Variants in ARHGAP10 observed in about 807,000 individuals in gnomAD.
ARHGAP10 encodes Rho GTPase activating protein 10, also known as rho GTPase-activating protein 10.
In ARHGAP10, 87 loss-of-function variants were observed where a neutral mutation model predicts 108.6. The ratio of observed to expected loss-of-function variants is 0.80; its 90% CI spans 0.67 to 0.96. The LOEUF (loss-of-function observed/expected upper bound fraction) is 0.96. Among genes scored for constraint, ARHGAP10 ranks in the 40% least tolerant of loss-of-function variants. The probability of loss-of-function intolerance (pLI) is 0.00; values close to 1 mark genes in which losing one functional copy is unlikely to be tolerated. For missense variants in ARHGAP10, 939 were observed against 954.5 expected, an observed-to-expected ratio of 0.98 and a Z score of 0.21; for synonymous variants, 347 against 341.1, an observed-to-expected ratio of 1.02 and a Z score of -0.19.
At chr4:147,947,864 C>A (rs1044034415) in intron 15 of ARHGAP10, among the ~76,000 whole-genome samples, 35 of 151,768 alleles carry the variant, frequency 2.3e-4, no homozygotes, top group African/African-American at 8.2e-4. Flanking sequence ...TGTAATGAAC[C>A]CTCATGGCTC....
At chr4:147,854,524 T>C (rs747855473) in intron 4 of ARHGAP10, among the ~76,000 whole-genome samples, 16 of 152,226 alleles carry the variant, frequency 1.1e-4, no homozygotes, top group Non-Finnish European at 1.8e-4. Context: ...AGTTTTCATA[T>C]TGTATTTAAC....
intron 13 of ARHGAP10, among the ~76,000 whole-genome samples, chr4:147,919,027 T>C (rs1313791216): frequency 4.6e-5 from 7 of 152,250 alleles, no homozygotes; most frequent in Admixed American, 4.6e-4. Flanking sequence ...CTCCAATTGC[T>C]TCCGAAGGTG....
At chr4:147,827,762 T>C (rs1732777864) in intron 3 of ARHGAP10, among the ~76,000 whole-genome samples, 1 of 152,014 alleles carries the variant, frequency 6.6e-6, no homozygotes, top group Non-Finnish European at 1.5e-5. Flanking sequence ...GAGGTAGAAA[T>C]AGTCTAAAAT....
rs2126722824 is a variant in ARHGAP10 at position 147,775,080 on chromosome 4, A to G, written c.154+42625A>G. Among the ~76,000 whole-genome samples the G allele has an allele frequency of 2.0e-5, 3 of 151,954 alleles. No individual in the cohort carries two copies. The South Asian group carries it at 6.2e-4, about 32-fold the overall frequency. The stretch of plus-strand genomic sequence containing the variant: ...TAGGCTCTCGCCACCACGCCTGGCT[A>G]ATTTTTGTATTTTTAGTAGAGACGG... On this transcript the variant is annotated intron_variant, in intron 1 of 22. Coordinates refer to ENST00000336498, the MANE Select transcript of ARHGAP10 (RefSeq NM_024605.4).
Position 147,875,132 on chromosome 4 carries a change from C to T in ARHGAP10, c.814C>T (p.Leu272=), listed in dbSNP as rs2126861941. The part of the protein sequence containing the change: ...RASQFTAEGY[L]YVQEKRPAPF... ...AAGTCAGTTTACAGCCGAAGGCTAC[C>T]TGTATGTCCAGGAAAAAAGTAAGAG... is the stretch of plus-strand genomic sequence containing the variant. The change falls in exon 8 of 23, where the codon CTG becomes TTG. Residue 272 remains leucine (L), a synonymous_variant. Transcript: ENST00000336498. 1.3e-6 allele frequency: 2 copies of T among 1,582,042 alleles called. No individual in the cohort carries two copies. Among genetic ancestry groups the T allele is most frequent in the East Asian group, 4.5e-5 (2 of 44,016 alleles).
At chr4:148,027,249 CTTCTT>C (rs1347959509) in intron 19 of ARHGAP10, among the ~76,000 whole-genome samples, 2 of 152,128 alleles carry the variant, frequency 1.3e-5, no homozygotes, top group Non-Finnish European at 2.9e-5. Context: ...CTTTGCCTGT[CTTCTT>C]TTGTAACATG....
chr4:147,791,633 G>T (rs1245248655), intron 1 of ARHGAP10, among the ~76,000 whole-genome samples: 1 of 152,104 alleles, frequency 6.6e-6, no homozygotes, highest in Non-Finnish European at 1.5e-5. Context: ...TGCCCAGGCT[G>T]GAGTACAGTG....
At chr4:147,833,495 A>G (rs1366918825) in intron 3 of ARHGAP10, among the ~76,000 whole-genome samples, 2 of 152,208 alleles carry the variant, frequency 1.3e-5, no homozygotes, top group African/African-American at 4.8e-5. Context: ...AGTCTCAAGC[A>G]GTAACTTCAT....
In ARHGAP10 at chr4:147,751,843, G is replaced by T. The variant is rs533229760; in HGVS notation, c.154+19388G>T. Reference sequence around the variant, plus strand: ...TTGCCCGAGGGTACTCATCTAGGTAGCTGAGGCTCCTGCAAGTTATACACT... The same window carrying T: ...TTGCCCGAGGGTACTCATCTAGGTATCTGAGGCTCCTGCAAGTTATACACT... On this transcript the variant is annotated intron_variant, in intron 1 of 22. Coordinates refer to ENST00000336498, the MANE Select transcript of ARHGAP10 (RefSeq NM_024605.4). Among the ~76,000 whole-genome samples the T allele has an allele frequency of 5.0e-4, 76 of 151,550 alleles. 1 individual carries two copies. Among genetic ancestry groups the T allele is most frequent in the Admixed American group, 3.4e-3 (52 of 15,226 alleles).
At chr4:147,787,490 CTG>C (rs753843544) in intron 1 of ARHGAP10, among the ~76,000 whole-genome samples, 104 of 152,132 alleles carry the variant, frequency 6.8e-4, no homozygotes, top group African/African-American at 1.2e-3. Context: ...TCTTGCCAGA[CTG>C]TGGAAGGCTG....
intron 18 of ARHGAP10, among the ~76,000 whole-genome samples, chr4:148,017,476 AC>A (rs1741389694): frequency 6.6e-6 from 1 of 151,954 alleles, no homozygotes; most frequent in Non-Finnish European, 1.5e-5. Context: ...GTTGTGTGCT[AC>A]TTTTTCTTTT....
At chr4:147,788,941 G>T (rs1288580158) in intron 1 of ARHGAP10, among the ~76,000 whole-genome samples, 2 of 152,158 alleles carry the variant, frequency 1.3e-5, no homozygotes, top group South Asian at 4.1e-4. Context: ...TATTATGAAA[G>T]AATTATAAAC....
At chr4:148,059,765 G>T (rs1729522305) in intron 20 of ARHGAP10, among the ~76,000 whole-genome samples, 1 of 152,162 alleles carries the variant, frequency 6.6e-6, no homozygotes, top group Non-Finnish European at 1.5e-5. Flanking sequence ...TTTCCGGGAT[G>T]CTGGCAGAAG....
At chr4:148,004,290 C>G (rs1740854829) in intron 18 of ARHGAP10, among the ~76,000 whole-genome samples, 1 of 152,234 alleles carries the variant, frequency 6.6e-6, no homozygotes, top group African/African-American at 2.4e-5. Context: ...AGCACCTTCA[C>G]TGCCACATTG....
At chr4:148,018,396 A>G (rs1276207517) in intron 18 of ARHGAP10, among the ~76,000 whole-genome samples, 4 of 152,182 alleles carry the variant, frequency 2.6e-5, no homozygotes. Flanking sequence ...ACATCTTGGC[A>G]ATGTAGAACA....
intron 19 of ARHGAP10, among the ~76,000 whole-genome samples, chr4:148,044,392 C>A (rs1384141337): frequency 6.6e-6 from 1 of 152,144 alleles, no homozygotes; most frequent in East Asian, 1.9e-4. Context: ...GCTGCTTCTG[C>A]CATGTCATGC....
At chr4:148,010,810 G>C (rs1018419540) in intron 18 of ARHGAP10, among the ~76,000 whole-genome samples, 6 of 152,174 alleles carry the variant, frequency 3.9e-5, no homozygotes, top group Admixed American at 6.5e-5. Flanking sequence ...CAGGTGATTT[G>C]TGTGTGTGTA....
intron 3 of ARHGAP10, among the ~76,000 whole-genome samples, chr4:147,828,938 C>T (rs1053628146): frequency 1.3e-5 from 2 of 149,420 alleles, no homozygotes; most frequent in Admixed American, 1.3e-4. Flanking sequence ...AGTACAGTGG[C>T]ATGATCTCAG....
At chr4:148,004,814 A>G (rs944893279) in intron 18 of ARHGAP10, among the ~76,000 whole-genome samples, 11 of 152,226 alleles carry the variant, frequency 7.2e-5, no homozygotes, top group African/African-American at 2.7e-4. Flanking sequence ...AGAGCAGAAG[A>G]CACAGTTTAG....
Sources: allele counts gnomAD v4.1 joint callset (sites outside exome capture counted in the v4.1 genomes callset), GRCh38; gene constraint gnomAD v4.1.1; transcripts MANE v1.5; gene names NCBI Gene and HGNC (gene_info 2026-07-23, HGNC 2026-07-21).